Variants in RAB44 observed in about 807,000 individuals in gnomAD.
RAB44 encodes the protein ras-related protein Rab-44.
RAB44 carries 67 observed loss-of-function variants against 93.3 expected under a neutral mutation model. That is an observed-to-expected ratio of 0.72 (90% CI 0.59 to 0.88). RAB44 has a LOEUF of 0.88. Among genes scored for constraint, RAB44 ranks in the 40% least tolerant of loss-of-function variants. The pLI is 0.00. For synonymous variants in RAB44, 427 were observed against 520.3 expected (o/e 0.82, Z 2.44); for missense variants, 1,064 against 1,261.7 (o/e 0.84, Z 2.37).
At position 36,715,633 on chromosome 6, in the gene RAB44, G is replaced by T; in HGVS notation, c.474G>T (p.Gly158=). ...TCCTTGCCTTCATGGAGCAGCTGGG[G>T]ACTGGACACTTACTTCCCAAGTAAG... is the stretch of plus-strand genomic sequence containing the variant. ...EAFLAFMEQL[G]TGHLLPKQME... Residue 158 remains glycine (G), a synonymous_variant, in exon 4 of 14, where the codon GGG becomes GGT. Transcript: ENST00000612677. 1.3e-6 allele frequency: 2 copies of T among 1,536,136 alleles called. No homozygotes were observed. The highest frequency in any genetic ancestry group is 2.4e-5 in the South Asian group (2 of 84,060).
At chr6:36,723,981 A>C (rs1165345664) in intron 9 of RAB44, among the ~76,000 whole-genome samples, 1 of 151,668 alleles carries the variant, frequency 6.6e-6, no homozygotes, top group Non-Finnish European at 1.5e-5. Context: ...ACAGCCCCCC[A>C]CAAGAGAGGC....
At chr6:36,724,445 C>G in intron 9 of RAB44, among the ~76,000 whole-genome samples, 1 of 152,204 alleles carries the variant, frequency 6.6e-6, no homozygotes, top group East Asian at 1.9e-4. Context: ...GCGTGAGCCA[C>G]TGTGCCTGGC....
At chr6:36,714,291 G>A (rs998237904) in intron 3 of RAB44, among the ~76,000 whole-genome samples, 1 of 152,170 alleles carries the variant, frequency 6.6e-6, no homozygotes, top group Non-Finnish European at 1.5e-5. Flanking sequence ...TAGGGGTGGG[G>A]GCTTTCCAGG....
chr6:36,718,880 G>C (rs1762994660), intron 7 of RAB44, among the ~76,000 whole-genome samples: 1 of 151,562 alleles, frequency 6.6e-6, no homozygotes, highest in Admixed American at 6.6e-5. Context: ...GTGGCACTGT[G>C]GTTGAGTGTT....
chr6:36,705,901 A>AT (rs202201461), intron 2 of RAB44, among the ~76,000 whole-genome samples: 19,966 of 143,848 alleles, frequency 0.14, 1,368 homozygotes, highest in South Asian at 0.21. Context: ...TTTATGTTGG[A>AT]TTTTTTTTTT....
At position 36,704,348 on chromosome 6, in the gene RAB44, A is replaced by G. The variant is rs1349649372; in HGVS notation, c.113A>G (p.Glu38Gly). ...GGCGCTGCAGTGGCCCCAGAGCCAG[A>G]GTCTTGGTCCTCTCAGGCAGCGGCA... ...GEGAAVAPEP[E>G]SWSSQAAAEL... The change falls in exon 2 of 14, where the codon GAG becomes GGG. Residue 38 changes from glutamate to glycine, a missense_variant. Coordinates refer to ENST00000612677, the MANE Select transcript of RAB44 (RefSeq NM_001257357.2). 4.6e-6 allele frequency: 7 copies of G among 1,536,122 alleles called. No individual in the cohort carries two copies. The East Asian group carries it at 9.8e-5, about 21-fold the overall frequency.
At position 36,718,591 on chromosome 6, in the gene RAB44, G is replaced by A; in HGVS notation, c.828+3G>A. 1 of 1,228,988 alleles carries A rather than the reference G, an allele frequency of 8.1e-7. No homozygotes were observed. Among genetic ancestry groups the A allele is most frequent in the Non-Finnish European group, 1.0e-6 (1 of 983,228 alleles). 76.1% of individuals were successfully genotyped at this position (1,228,988 alleles called of 1,614,324 possible). Reference sequence around the variant, plus strand: ...GACTAGCTGAGGGCCAGAGGGAGGTGAGTAATAGGGTTTCCCAGAAACCTA... The same window carrying A: ...GACTAGCTGAGGGCCAGAGGGAGGTAAGTAATAGGGTTTCCCAGAAACCTA... On this transcript the variant is annotated splice_donor_region_variant and intron_variant, in intron 7 of 13. Coordinates refer to ENST00000612677, the MANE Select transcript of RAB44 (RefSeq NM_001257357.2).
chr6:36,709,700 C>T (rs183738512), intron 2 of RAB44, among the ~76,000 whole-genome samples: 72 of 152,246 alleles, frequency 4.7e-4, no homozygotes, highest in Admixed American at 3.8e-3. Context: ...GAATTACAGA[C>T]GCCCGCCACC....
In RAB44 at chr6:36,722,395, C is replaced by T. The variant is rs1763113829; in HGVS notation, c.2261C>T (p.Ala754Val). Residue 754 changes from alanine (A) to valine (V), a missense_variant, in exon 9 of 14, where the codon GCT (alanine) becomes GTT (valine). Transcript: ENST00000612677. ...GSPPRGAQPG[A>V]GAGPQEPTQT... ...CCTCCCAGGGGGGCTCAGCCTGGGG[C>T]TGGAGCAGGACCCCAGGAACCCACG... The T allele has an allele frequency of 1.4e-6, 2 of 1,386,424 alleles. No individual in the cohort carries two copies. The highest frequency in any genetic ancestry group is 3.7e-5 in the South Asian group (2 of 54,658). 85.9% of individuals were successfully genotyped at this position (1,386,424 alleles called of 1,614,324 possible).
chr6:36,699,060 G>C (rs925969841), intron 1 of RAB44, among the ~76,000 whole-genome samples: 2 of 152,274 alleles, frequency 1.3e-5, no homozygotes, highest in East Asian at 3.9e-4. Context: ...ATGGTGACAA[G>C]TGACTGATTT....
intron 2 of RAB44, among the ~76,000 whole-genome samples, chr6:36,708,394 G>T (rs1762702889): frequency 1.3e-5 from 2 of 152,046 alleles, no homozygotes; most frequent in African/African-American, 4.8e-5. Flanking sequence ...TGATGATCTT[G>T]TAATAGTGTT....
At chr6:36,701,671 A>G (rs1017523228) in intron 1 of RAB44, among the ~76,000 whole-genome samples, 2 of 152,160 alleles carry the variant, frequency 1.3e-5, no homozygotes, top group African/African-American at 4.8e-5. Flanking sequence ...ACACACAGGT[A>G]TGCTGCCCCT....
Position 36,717,946 on chromosome 6 carries a change from C to A in RAB44, c.642-82C>A. 2.3e-6 allele frequency: 2 copies of A among 860,368 alleles called. No individual in the cohort carries two copies. The highest frequency in any genetic ancestry group is 3.1e-6 in the Non-Finnish European group (2 of 649,068). The allele number at this position is 860,368 out of a possible 1,614,324, so 53.3% of individuals were successfully genotyped here. On this transcript the variant is annotated intron_variant, in intron 5 of 13. Transcript: ENST00000612677. This position sits in a 1 kb window ranked among gnomAD's most constrained non-coding sequence, Gnocchi z 4.1. ...GGAAAGCAATAGGATGGATTCCAAACCCAAGCCCAGACTGCCCCTGCCAGC... is the reference window on the plus strand; with the variant it reads ...GGAAAGCAATAGGATGGATTCCAAAACCAAGCCCAGACTGCCCCTGCCAGC...
rs556680802 is a variant in RAB44, at chr6:36,721,211, C to A, written c.1077C>A (p.Pro359=). 1.9e-5 allele frequency: 24 copies of A among 1,234,424 alleles called. No individual in the cohort carries two copies. In the African/African-American group the frequency reaches 3.7e-4, roughly 19 times the overall value. 76.5% of individuals were successfully genotyped at this position (1,234,424 alleles called of 1,614,324 possible). ...AGGCTGCCTCCCCTGAGGAGGCCCC[C>A]CTGCCTGGGCTATTTGGGGACAACG... The part of the protein sequence containing the change: ...DPQAASPEEA[P]LPGLFGDNDD... The change falls in exon 9 of 14, where the codon CCC becomes CCA. Residue 359 remains proline, a synonymous_variant. Coordinates refer to ENST00000612677, the MANE Select transcript of RAB44 (RefSeq NM_001257357.2).
At chr6:36,702,327 AGAGAGAGAGAG>A (rs778511728) in intron 1 of RAB44, among the ~76,000 whole-genome samples, 5,872 of 82,044 alleles carry the variant, frequency 0.072, 198 homozygotes, top group South Asian at 0.17. Flanking sequence ...AGAGAGAGAG[AGAGAGAGAGAG>A]AATGTACTTC....
chr6:36,717,932 G>C lies in RAB44; in HGVS notation c.642-96G>C. ...TGCTGGCAGAGTGAGGAAAGCAATA[G>C]GATGGATTCCAAACCCAAGCCCAGA... On this transcript the variant is annotated intron_variant, in intron 5 of 13. Transcript: ENST00000612677. This position sits in a 1 kb window ranked among gnomAD's most constrained non-coding sequence, Gnocchi z 4.1. 1.6e-6 allele frequency: 1 copy of C among 628,672 alleles called. No individual in the cohort carries two copies. The highest frequency in any genetic ancestry group is 2.3e-6 in the Non-Finnish European group (1 of 437,508). The allele number at this position is 628,672 out of a possible 1,614,324, so 38.9% of individuals were successfully genotyped here.
chr6:36,714,067 C>T (rs1762853757), intron 3 of RAB44, 128 bp downstream of exon 3: 2 of 658,314 alleles, frequency 3.0e-6, no homozygotes, highest in Non-Finnish European at 2.7e-6. Flanking sequence ...TCCCCGGCTG[C>T]CACAGTGGTC....
chr6:36,721,372 C>T lies in RAB44; in HGVS notation c.1238C>T (p.Ser413Leu), dbSNP rs12213191. ...TPRVVRQISISEPQAFLFGQE... is the reference protein window; with the variant it reads ...TPRVVRQISILEPQAFLFGQE... The stretch of plus-strand genomic sequence containing the variant: ...CGTGTGGTCAGGCAGATCTCCATCT[C>T]GGAGCCACAGGCTTTTCTATTTGGT... The change falls in exon 9 of 14, where the codon TCG becomes TTG. Residue 413 changes from serine (S) to leucine (L), a missense_variant. Physicochemically the swap from Ser to Leu is moderately radical, Grantham distance 145. Transcript: ENST00000612677. 74 of 1,234,170 alleles carry T rather than the reference C, an allele frequency of 6.0e-5. 1 individual carries two copies. The Middle Eastern group carries it at 8.2e-4, about 14-fold the overall frequency. The allele number at this position is 1,234,170 out of a possible 1,614,324, so 76.5% of individuals were successfully genotyped here. A position where few individuals can be genotyped will look rare whatever the true frequency, so the allele number is the denominator to read the frequency against.
chr6:36,717,214 G>C lies in RAB44; in HGVS notation c.495-59G>C. ...AAAACTGAGGAGTGGGGCTCCCCTT[G>C]CTTCTCCATCCCACCTTGTGTCTGA... On this transcript the variant is annotated intron_variant, in intron 4 of 13. Transcript: ENST00000612677. The surrounding 1 kb of genome is among the most constrained non-coding windows in gnomAD (Gnocchi z 4.1). 1 of 1,229,834 alleles carries C rather than the reference G, an allele frequency of 8.1e-7. No homozygotes were observed. The highest frequency in any genetic ancestry group is 1.0e-6 in the Non-Finnish European group (1 of 986,162). The allele number at this position is 1,229,834 out of a possible 1,614,324, so 76.2% of individuals were successfully genotyped here.
Sources: allele counts gnomAD v4.1 joint callset (sites outside exome capture counted in the v4.1 genomes callset), GRCh38; gene constraint gnomAD v4.1.1; non-coding constraint Gnocchi (gnomAD v3.1); transcripts MANE v1.5; gene names NCBI Gene and HGNC (gene_info 2026-07-23, HGNC 2026-07-21).